The following ZNF385D variants were observed in gnomAD, a reference collection of about 807,000 sequenced individuals.
ZNF385D encodes zinc finger protein 659.
In ZNF385D, 15 loss-of-function variants were observed where a neutral mutation model predicts 35.8. The ratio of observed to expected loss-of-function variants is 0.42; its 90% CI spans 0.28 to 0.64. The LOEUF is 0.64. Ranked by LOEUF, ZNF385D falls within the 30% of genes least tolerant of loss-of-function variation. ZNF385D has a pLI of 0.23. For synonymous variants in ZNF385D, 212 were observed against 186.8 expected (o/e 1.13, Z -1.10); for missense variants, 474 against 494.6 (o/e 0.96, Z 0.39).
chr3:22,149,969 T>C (rs376218045), intron 3 of ZNF385D, among the ~76,000 whole-genome samples: 27 of 152,286 alleles, frequency 1.8e-4, no homozygotes, highest in African/African-American at 5.3e-4. Context: ...TGTTTTAATA[T>C]TGAATTCCTA....
chr3:22,365,419 C>T lies in ZNF385D; in HGVS notation c.106+7031G>A, dbSNP rs368232638. 7.2e-5 allele frequency among the ~76,000 whole-genome samples: 11 copies of T among 152,162 alleles called. No homozygotes were observed. In the East Asian group the frequency reaches 2.1e-3, roughly 29 times the overall value. On this transcript the variant is annotated intron_variant, in intron 2 of 5. Coordinates refer to the ZNF385D transcript ENST00000494108. ...TAAACCCAAGCCCAACTAACCAGAA[C>T]ATCTCATTAGCTGATATTTCTATGT...
At position 21,928,737 on chromosome 3, in the gene ZNF385D, T is replaced by C. The variant is rs566374165; in HGVS notation, c.325+240080A>G. Among the ~76,000 whole-genome samples, 7 of 152,232 alleles carry C rather than the reference T, an allele frequency of 4.6e-5. No homozygotes were observed. The East Asian group carries it at 1.2e-3, about 25-fold the overall frequency. ...TTATGCCAACACCTAGACATTTAGA[T>C]AAAATGGACATATTCATAGTAAGAC... On this transcript the variant is annotated intron_variant, in intron 3 of 5. Coordinates refer to the ZNF385D transcript ENST00000494108.
At chr3:22,229,964 C>G (rs188288168) in intron 2 of ZNF385D, among the ~76,000 whole-genome samples, 1 of 152,310 alleles carries the variant, frequency 6.6e-6, no homozygotes, top group African/African-American at 2.4e-5. Context: ...CACCTTGCTA[C>G]CTATACTTAC....
intron 2 of ZNF385D, among the ~76,000 whole-genome samples, chr3:22,342,823 A>C (rs767098941): frequency 6.6e-6 from 1 of 152,222 alleles, no homozygotes; most frequent in African/African-American, 2.4e-5. Flanking sequence ...CGTTTTGGAA[A>C]GAACTTCTCC....
intron 3 of ZNF385D, among the ~76,000 whole-genome samples, chr3:21,811,728 T>A (rs183082634): frequency 6.6e-6 from 1 of 152,282 alleles, no homozygotes; most frequent in Admixed American, 6.5e-5. Context: ...ATTACCTATT[T>A]ATAAAAGAAT....
chr3:22,228,634 T>C (rs1576529797), intron 2 of ZNF385D, among the ~76,000 whole-genome samples: 1 of 152,172 alleles, frequency 6.6e-6, no homozygotes, highest in Non-Finnish European at 1.5e-5. Flanking sequence ...ACTCGATTGG[T>C]TTGAAGGTTG....
chr3:21,824,266 T>C (rs1485440574), intron 3 of ZNF385D, among the ~76,000 whole-genome samples: 2 of 152,172 alleles, frequency 1.3e-5, no homozygotes, highest in Non-Finnish European at 2.9e-5. Context: ...AAACGACATA[T>C]CTACGTGTTT....
At chr3:21,706,977 C>T (rs7627918) in intron 1 of ZNF385D, among the ~76,000 whole-genome samples, 96,526 of 152,012 alleles carry the variant, frequency 0.63, 31,079 homozygotes, top group Non-Finnish European at 0.67. Flanking sequence ...TGCGTAGATA[C>T]ATCTACGGGA....
chr3:21,883,744 C>T (rs536874860), intron 3 of ZNF385D, among the ~76,000 whole-genome samples: 2 of 152,134 alleles, frequency 1.3e-5, no homozygotes, highest in South Asian at 4.1e-4. Context: ...CATCAGATTG[C>T]TGCACATATA....
At chr3:21,426,553 A>C in intron 5 of ZNF385D, among the ~76,000 whole-genome samples, 1 of 151,380 alleles carries the variant, frequency 6.6e-6, no homozygotes, top group African/African-American at 2.4e-5. Flanking sequence ...AGTATTCTTC[A>C]TTTTTTTCAC....
chr3:22,141,171 C>T (rs1704483749), intron 3 of ZNF385D, among the ~76,000 whole-genome samples: 2 of 152,050 alleles, frequency 1.3e-5, no homozygotes, highest in African/African-American at 4.8e-5. Context: ...TAAGAGAACA[C>T]AAAATAATAA....
At position 22,345,771 on chromosome 3, in the gene ZNF385D, G is replaced by A. The variant is rs947035685; in HGVS notation, c.106+26679C>T. Among the ~76,000 whole-genome samples the A allele has an allele frequency of 3.9e-5, 6 of 152,154 alleles. No homozygotes were observed. In the South Asian group the frequency reaches 6.2e-4, roughly 16 times the overall value. The stretch of plus-strand genomic sequence containing the variant: ...ATACATTCAATTATTTCACTTAGGG[G>A]AAGACAGTCCCCTAGTCCAAGATCA... On this transcript the variant is annotated intron_variant, in intron 2 of 5. Transcript: ENST00000494108.
At chr3:22,299,879 T>C (rs988631362) in intron 2 of ZNF385D, among the ~76,000 whole-genome samples, 1 of 151,856 alleles carries the variant, frequency 6.6e-6, no homozygotes, top group Admixed American at 6.6e-5. Flanking sequence ...TGCTAAAATG[T>C]TCATATACCC....
intron 3 of ZNF385D, among the ~76,000 whole-genome samples, chr3:22,141,030 G>A (rs1704472116): frequency 6.6e-6 from 1 of 152,136 alleles, no homozygotes; most frequent in Non-Finnish European, 1.5e-5. Context: ...CATGTCCTGA[G>A]CAATTTATAG....
At chr3:21,597,671 T>C (rs1222511900) in intron 2 of ZNF385D, among the ~76,000 whole-genome samples, 2 of 152,130 alleles carry the variant, frequency 1.3e-5, no homozygotes, top group African/African-American at 2.4e-5. Flanking sequence ...GTAAAAGATA[T>C]AGAGGCAAGA....
At chr3:21,540,466 GTA>G (rs1382347284) in intron 3 of ZNF385D, among the ~76,000 whole-genome samples, 2 of 152,190 alleles carry the variant, frequency 1.3e-5, no homozygotes, top group Non-Finnish European at 2.9e-5. Flanking sequence ...CTACCCAGCT[GTA>G]ATCAAGAGTG....
chr3:21,664,092 A>C (rs2125258468), intron 2 of ZNF385D, among the ~76,000 whole-genome samples: 1 of 148,338 alleles, frequency 6.7e-6, no homozygotes, highest in Admixed American at 6.9e-5. Context: ...TTGTTATCTG[A>C]AGGCTGAAAA....
intron 2 of ZNF385D, among the ~76,000 whole-genome samples, chr3:22,234,364 T>A (rs1576539336): frequency 1.3e-5 from 2 of 152,270 alleles, no homozygotes; most frequent in African/African-American, 4.8e-5. Flanking sequence ...TTGAAGACAC[T>A]TCCAAATCTA....
intron 2 of ZNF385D, among the ~76,000 whole-genome samples, chr3:21,664,136 G>A (rs1451576278): frequency 2.7e-5 from 4 of 148,430 alleles, no homozygotes; most frequent in African/African-American, 4.9e-5. Context: ...TCACTTACTC[G>A]TTTCTAACCT....
Sources: gnomAD v4.1 joint callset for allele counts (sites outside exome capture counted in the v4.1 genomes callset) on GRCh38, gnomAD v4.1.1 for gene constraint, MANE v1.5 for transcripts, NCBI Gene and HGNC (gene_info 2026-07-23, HGNC 2026-07-21) for gene names.